VOPP1: variants seen among roughly 807,000 people sequenced by gnomAD.
VOPP1 encodes VOPP1 WW domain binding protein, also known as WW domain binding protein VOPP1.
Under a neutral mutation model 23.5 loss-of-function variants are expected in VOPP1, and 8 were observed. The observed-to-expected ratio is 0.34, with a 90% CI of 0.20 to 0.61. VOPP1 has a LOEUF of 0.61. Ranked by LOEUF, VOPP1 falls within the 20% of genes least tolerant of loss-of-function variation. The pLI, the probability that VOPP1 is intolerant of heterozygous loss-of-function variation, is 0.78. For synonymous variants in VOPP1, 83 were observed against 97.3 expected (o/e 0.85, Z 0.86); for missense variants, 174 against 238.1 (o/e 0.73, Z 1.77).
intron 1 of VOPP1, among the ~76,000 whole-genome samples, chr7:55,529,014 A>T (rs1796343234): frequency 6.6e-6 from 1 of 152,222 alleles, no homozygotes; most frequent in African/African-American, 2.4e-5. Context: ...ATTTCTTTTT[A>T]AAATATCTCC....
intron 4 of VOPP1, among the ~76,000 whole-genome samples, chr7:55,454,901 G>C (rs2129002425): frequency 6.6e-6 from 1 of 152,318 alleles, no homozygotes; most frequent in South Asian, 2.1e-4. Context: ...AGACAAGGAT[G>C]CCCTCTCTCA....
intron 4 of VOPP1, among the ~76,000 whole-genome samples, chr7:55,462,747 C>G (rs1265953210): frequency 2.0e-5 from 3 of 147,250 alleles, no homozygotes; most frequent in Non-Finnish European, 4.6e-5. Flanking sequence ...GCTCCGCCTC[C>G]CGGGTTCACG....
chr7:55,517,001 A>G (rs1795497729), intron 2 of VOPP1, among the ~76,000 whole-genome samples: 1 of 119,592 alleles, frequency 8.4e-6, no homozygotes, highest in East Asian at 2.8e-4. Context: ...GCTGGAGTAC[A>G]GTGGTGTGGC....
At chr7:55,444,566 A>G (rs1791048425) in intron 4 of VOPP1, among the ~76,000 whole-genome samples, 1 of 152,140 alleles carries the variant, frequency 6.6e-6, no homozygotes, top group African/African-American at 2.4e-5. Context: ...GAGAGGATTG[A>G]GGGCCACTCT....
intron 4 of VOPP1, among the ~76,000 whole-genome samples, chr7:55,453,706 G>C (rs574917975): frequency 7.9e-5 from 12 of 152,154 alleles, no homozygotes; most frequent in Non-Finnish European, 1.5e-4. Context: ...GAAAAAGTTT[G>C]AAATATTATG....
intron 4 of VOPP1, 65 bp from the exon 5 acceptor site, chr7:55,473,110 A>C: frequency 6.5e-7 from 1 of 1,549,022 alleles, no homozygotes; most frequent in Non-Finnish European, 8.6e-7. Context: ...AAGTATGTGC[A>C]GGCTGCAGGG....
intron 1 of VOPP1, among the ~76,000 whole-genome samples, chr7:55,556,083 A>G (rs1159750412): frequency 2.6e-5 from 4 of 152,320 alleles, no homozygotes; most frequent in Non-Finnish European, 4.4e-5. Flanking sequence ...CAAGCACTCA[A>G]TGTATGAAAC....
At chr7:55,435,178 T>C (rs972677159), downstream of VOPP1, among the ~76,000 whole-genome samples, 6 of 152,138 alleles carry the variant, frequency 3.9e-5, no homozygotes, top group Non-Finnish European at 7.4e-5. Context: ...TCAGGAGGCA[T>C]TGAGCCCACT....
chr7:55,509,517 C>T (rs565557140), intron 2 of VOPP1, among the ~76,000 whole-genome samples: 113 of 152,312 alleles, frequency 7.4e-4, no homozygotes, highest in African/African-American at 2.5e-3. Context: ...AAAGGCCCCA[C>T]CTCTTAATAC....
At chr7:55,519,853 C>G (rs569813738) in intron 2 of VOPP1, among the ~76,000 whole-genome samples, 139 of 152,304 alleles carry the variant, frequency 9.1e-4, no homozygotes, top group Middle Eastern at 3.4e-3. Context: ...AGAGGCTGGG[C>G]GAGGTGACTC....
chr7:55,482,916 T>C (rs908983688), intron 4 of VOPP1, among the ~76,000 whole-genome samples: 5 of 152,246 alleles, frequency 3.3e-5, no homozygotes, highest in Non-Finnish European at 7.3e-5. Context: ...TGCTTGCTGC[T>C]GCTGATTTTT....
Position 55,492,314 on chromosome 7 carries a change from G to A in VOPP1, c.296C>T (p.Ser99Phe), listed in dbSNP as rs573152981. 6.2e-7 allele frequency: 1 copy of A among 1,611,558 alleles called. No homozygotes were observed. The highest frequency in any genetic ancestry group is 1.7e-5 in the Admixed American group (1 of 59,688). The change falls in exon 4 of 5, where the codon TCC (serine) becomes TTC (phenylalanine). Residue 99 changes from serine to phenylalanine, a missense_variant. Coordinates refer to ENST00000285279, the MANE Select transcript of VOPP1 (RefSeq NM_030796.5). ...PLIEEPAFNV[S>F]YTRQPPNPGP... ...GGGATTTGGGGGCTGCCTGGTGTAG[G>A]ACACATTGAAGGCTGGCTCCTCGAT...
chr7:55,521,235 C>G, intron 1 of VOPP1, 105 bp from the exon 2 acceptor site: 1 of 1,181,968 alleles, frequency 8.5e-7, no homozygotes, highest in Non-Finnish European at 1.2e-6. Context: ...CAGCTTAACC[C>G]ATGAAAAGCT....
At chr7:55,522,073 G>C (rs1462225141) in intron 1 of VOPP1, among the ~76,000 whole-genome samples, 2 of 152,302 alleles carry the variant, frequency 1.3e-5, no homozygotes, top group East Asian at 3.9e-4. Flanking sequence ...AGCTTTCTTT[G>C]GGTGAGGCAG....
intron 3 of VOPP1, among the ~76,000 whole-genome samples, chr7:55,493,742 A>G (rs1259535928): frequency 1.3e-5 from 2 of 152,242 alleles, no homozygotes; most frequent in Non-Finnish European, 2.9e-5. Context: ...GGAGACAGAT[A>G]CCAACTTTTA....
At chr7:55,550,060 A>G (rs890127197) in intron 1 of VOPP1, among the ~76,000 whole-genome samples, 2 of 152,210 alleles carry the variant, frequency 1.3e-5, no homozygotes, top group African/African-American at 4.8e-5. Flanking sequence ...GGGACTGCAC[A>G]GCCGTGCACA....
At chr7:55,443,155 C>A (rs904355368) in intron 4 of VOPP1, among the ~76,000 whole-genome samples, 2 of 151,926 alleles carry the variant, frequency 1.3e-5, no homozygotes, top group African/African-American at 2.4e-5. Context: ...AAATAAAAAG[C>A]AAATGGAATT....
chr7:55,540,571 T>C (rs1437705518), intron 1 of VOPP1, among the ~76,000 whole-genome samples: 1 of 152,198 alleles, frequency 6.6e-6, no homozygotes, highest in Non-Finnish European at 1.5e-5. Flanking sequence ...GCTGTGCTTC[T>C]GTTCTCAGCA....
At chr7:55,488,564 G>A (rs12111626) in intron 4 of VOPP1, among the ~76,000 whole-genome samples, 33,116 of 151,312 alleles carry the variant, frequency 0.22, 4,207 homozygotes, top group African/African-American at 0.35. Flanking sequence ...TCCCCTCCCC[G>A]ACCAGAAGCC....
Sources: gnomAD v4.1 joint callset for allele counts (sites outside exome capture counted in the v4.1 genomes callset) on GRCh38, gnomAD v4.1.1 for gene constraint, MANE v1.5 for transcripts, NCBI Gene and HGNC (gene_info 2026-07-23, HGNC 2026-07-21) for gene names.